NQO1: variants seen among roughly 807,000 people sequenced by gnomAD.
NQO1 encodes the protein NAD(P)H dehydrogenase [quinone] 1.
In NQO1, 30 loss-of-function variants were observed where a neutral mutation model predicts 32.1. The observed-to-expected ratio is 0.94, with a 90% CI of 0.70 to 1.27. The LOEUF (loss-of-function observed/expected upper bound fraction) is 1.27, where lower values mean the gene tolerates loss of function less well. NQO1 is among the 50% of genes most tolerant of loss of function. The pLI is 0.00. For missense variants in NQO1, 276 were observed against 331.3 expected (o/e 0.83, Z 1.30); for synonymous variants, 109 against 119.7 (o/e 0.91, Z 0.59).
chr16:69,714,359 C>T (rs1378637789), intron 4 of NQO1, among the ~76,000 whole-genome samples: 4 of 149,728 alleles, frequency 2.7e-5, no homozygotes, highest in Admixed American at 6.7e-5. Flanking sequence ...TTGGTAGAGA[C>T]GGGGTTTCGC....
intron 1 of NQO1, 135 bp downstream of exon 1, chr16:69,726,298 C>A: frequency 8.0e-7 from 1 of 1,248,012 alleles, no homozygotes; most frequent in Non-Finnish European, 1.1e-6. Flanking sequence ...AAGGCTCATC[C>A]CAGGTCCCTA....
intron 1 of NQO1, among the ~76,000 whole-genome samples, chr16:69,719,063 C>G (rs1567633471): frequency 6.6e-6 from 1 of 151,348 alleles, no homozygotes; most frequent in Non-Finnish European, 1.5e-5. Flanking sequence ...TCTGCGTGAC[C>G]TGTCAGGAAA....
At chr16:69,717,939 A>C (rs917573556) in intron 3 of NQO1, 184 bp downstream of exon 3, 11 of 911,148 alleles carry the variant, frequency 1.2e-5, no homozygotes, top group Non-Finnish European at 1.8e-5. Context: ...ATGCAACAGT[A>C]ATACAGCCAG....
chr16:69,723,778 C>T (rs1837016), intron 1 of NQO1, among the ~76,000 whole-genome samples: 75,982 of 151,872 alleles, frequency 0.5, 20,378 homozygotes, highest in Non-Finnish European at 0.61. Flanking sequence ...CTCCAGCCTG[C>T]GCAACAGAGC....
intron 1 of NQO1, among the ~76,000 whole-genome samples, chr16:69,722,897 C>T (rs2038210793): frequency 6.6e-6 from 1 of 152,130 alleles, no homozygotes; most frequent in Non-Finnish European, 1.5e-5. Context: ...TTAGTCTTAT[C>T]AATGTTTACT....
In NQO1 at chr16:69,709,426, T is replaced by C. The variant is rs1282397307; in HGVS notation, c.*1550A>G. 4 of 194,210 alleles carry C rather than the reference T, an allele frequency of 2.1e-5. No homozygotes were observed. Among genetic ancestry groups the C allele is most frequent in the Non-Finnish European group, 4.2e-5 (4 of 96,252 alleles). The allele number at this position is 194,210 out of a possible 1,614,324, so 12.0% of individuals were successfully genotyped here. ...TGTGGGTCTGTAGAAATGAATTTTA[T>C]TTATTTAATTCAGATCTTTGAGAAA... is the stretch of plus-strand genomic sequence containing the variant. On this transcript the variant is annotated 3_prime_UTR_variant, in exon 6 of 6. Transcript: ENST00000320623.
At chr16:69,717,251 C>T (rs1274208703) in intron 3 of NQO1, among the ~76,000 whole-genome samples, 1 of 152,152 alleles carries the variant, frequency 6.6e-6, no homozygotes, top group Non-Finnish European at 1.5e-5. Context: ...TGACGAGATG[C>T]ACGCACAATC....
At chr16:69,714,444 T>C (rs998596696) in intron 4 of NQO1, among the ~76,000 whole-genome samples, 1 of 151,764 alleles carries the variant, frequency 6.6e-6, no homozygotes, top group African/African-American at 2.4e-5. Flanking sequence ...GTGCTGAAAT[T>C]ACAGGCGTGA....
rs1227812033 is a variant in NQO1, at chr16:69,717,114, AAC to A, written c.303+1007_303+1008del. On this transcript the variant is annotated intron_variant, in intron 3 of 5. Transcript: ENST00000320623. Reference sequence around the variant, plus strand: ...AAAAGAGAGAGAGAGAGAAAAAAAAAACACAGCCTGTACCACCCTCCTCGTGG... The same window carrying A: ...AAAAGAGAGAGAGAGAGAAAAAAAAAACAGCCTGTACCACCCTCCTCGTGG... Among the ~76,000 whole-genome samples, 3 of 152,024 alleles carry A rather than the reference AAC, an allele frequency of 2.0e-5. 1 individual carries two copies. Among genetic ancestry groups the A allele is most frequent in the African/African-American group, 7.3e-5 (3 of 41,378 alleles).
In NQO1 at chr16:69,726,434, G is replaced by T. The variant is rs757207876; in HGVS notation, c.6C>A (p.Val2=). ...CACCCCGCCCTTTGCAGCACTCACCGACCATGGCTCTGGTGCAGTCCGGGG... is the reference window on the plus strand; with the variant it reads ...CACCCCGCCCTTTGCAGCACTCACCTACCATGGCTCTGGTGCAGTCCGGGG... M[V]GRRALIVLAH... is the part of the protein sequence containing the mutation. The change falls in exon 1 of 6, where the codon GTC becomes GTA. Residue 2 remains valine, a splice_region_variant and synonymous_variant. Transcript: ENST00000320623. The T allele has an allele frequency of 1.9e-6, 3 of 1,611,582 alleles. No homozygotes were observed. The highest frequency in any genetic ancestry group is 2.5e-6 in the Non-Finnish European group (3 of 1,179,480).
At position 69,726,537 on chromosome 16, in the gene NQO1, T is replaced by A; in HGVS notation, c.-98A>T. 1 of 1,536,718 alleles carries A rather than the reference T, an allele frequency of 6.5e-7. No homozygotes were observed. Among genetic ancestry groups the A allele is most frequent in the Non-Finnish European group, 8.8e-7 (1 of 1,137,430 alleles). On this transcript the variant is annotated 5_prime_UTR_variant, in exon 1 of 6. Coordinates refer to ENST00000320623, the MANE Select transcript of NQO1 (RefSeq NM_000903.3). ...TCTCGGTGAGCTGGGCGGCTCCGGCTGCAACCTTGTGGGAGTCGCGTGTGT... is the reference window on the plus strand; with the variant it reads ...TCTCGGTGAGCTGGGCGGCTCCGGCAGCAACCTTGTGGGAGTCGCGTGTGT...
chr16:69,711,425 GTCTC>G (rs1368045538), intron 5 of NQO1, 144 bp from the exon 6 acceptor site: 1 of 683,978 alleles, frequency 1.5e-6, no homozygotes, highest in African/African-American at 1.8e-5. Flanking sequence ...CAGAGCTAGC[GTCTC>G]TCTCTTACCC....
chr16:69,724,053 C>T (rs2038228513), intron 1 of NQO1, among the ~76,000 whole-genome samples: 1 of 151,932 alleles, frequency 6.6e-6, no homozygotes, highest in African/African-American at 2.4e-5. Context: ...GTGGCTCATG[C>T]CTGTAATCGT....
chr16:69,721,831 C>CAAAA (rs11325347), intron 1 of NQO1, among the ~76,000 whole-genome samples: 23 of 97,108 alleles, frequency 2.4e-4, no homozygotes, highest in African/African-American at 5.2e-4. Context: ...CCGTTTCTAC[C>CAAAA]AAAAAAAAAA....
intron 3 of NQO1, among the ~76,000 whole-genome samples, chr16:69,717,095 G>A (rs1312865546): frequency 4.7e-5 from 7 of 149,240 alleles, no homozygotes; most frequent in African/African-American, 1.5e-4. Flanking sequence ...AAAAAAAAGA[G>A]AGAGAGAGAG....
intron 4 of NQO1, among the ~76,000 whole-genome samples, chr16:69,713,355 C>A (rs942219034): frequency 6.6e-6 from 1 of 152,182 alleles, no homozygotes; most frequent in African/African-American, 2.4e-5. Context: ...ATTCCAAACC[C>A]CCACATGTGG....
In NQO1 at chr16:69,718,356, G is replaced by A. The variant is rs2038143352; in HGVS notation, c.172+14C>T. ...AAAGAACTAATTAAAGAGGGGAGGA[G>A]GAACTCCTCCTACCTGTGATGTCCT... On this transcript the variant is annotated intron_variant, in intron 2 of 5. Transcript: ENST00000320623. 4 of 1,611,880 alleles carry A rather than the reference G, an allele frequency of 2.5e-6. No individual in the cohort carries two copies. Among genetic ancestry groups the A allele is most frequent in the Middle Eastern group, 1.6e-4 (1 of 6,072 alleles).
chr16:69,722,669 G>A (rs2038208090), intron 1 of NQO1, among the ~76,000 whole-genome samples: 1 of 152,108 alleles, frequency 6.6e-6, no homozygotes, highest in African/African-American at 2.4e-5. Context: ...TAGGGTTTTG[G>A]ACTCTTAAAA....
chr16:69,717,507 C>T (rs1241993973), intron 3 of NQO1, among the ~76,000 whole-genome samples: 2 of 151,844 alleles, frequency 1.3e-5, no homozygotes, highest in African/African-American at 4.8e-5. Context: ...CTGAAGGAAT[C>T]GCTAACTGAA....
Sources: gnomAD v4.1 joint callset for allele counts (sites outside exome capture counted in the v4.1 genomes callset) on GRCh38, gnomAD v4.1.1 for gene constraint, MANE v1.5 for transcripts, NCBI Gene and HGNC (gene_info 2026-07-23, HGNC 2026-07-21) for gene names.